The following TTC23L variants were observed in gnomAD, a reference collection of about 807,000 sequenced individuals.
TTC23L encodes tetratricopeptide repeat domain 23 like.
Under a neutral mutation model 48.1 loss-of-function variants are expected in TTC23L, and 42 were observed. The observed-to-expected ratio is 0.87, with a 90% CI of 0.68 to 1.13. The LOEUF is 1.13. Ranked by LOEUF, TTC23L falls within the 50% of genes most tolerant of loss-of-function variation. The pLI is 0.00. For missense variants in TTC23L, 391 were observed against 421.0 expected, an observed-to-expected ratio of 0.93 and a Z score of 0.62; for synonymous variants, 159 against 157.2, an observed-to-expected ratio of 1.01 and a Z score of -0.09.
chr5:34,865,009 C>A (rs1760951483), intron 6 of TTC23L, among the ~76,000 whole-genome samples: 1 of 152,200 alleles, frequency 6.6e-6, no homozygotes, highest in South Asian at 2.1e-4. Flanking sequence ...TAACTGGAAG[C>A]TGTGAAAGCC....
At chr5:34,910,077 A>C in the TTC23L span, among the ~76,000 whole-genome samples, 6 of 151,944 alleles carry the variant, frequency 3.9e-5, no homozygotes, top group African/African-American at 1.5e-4. Context: ...CCCAAATCTA[A>C]ATTTCCAGTC....
intron 8 of TTC23L, among the ~76,000 whole-genome samples, chr5:34,878,904 G>T (rs928204833): frequency 1.3e-5 from 2 of 152,296 alleles, no homozygotes; most frequent in East Asian, 3.9e-4. Context: ...TATGTTTATC[G>T]TAGCACTATT....
the TTC23L span, among the ~76,000 whole-genome samples, chr5:34,913,030 T>C: frequency 6.6e-6 from 1 of 152,064 alleles, no homozygotes; most frequent in African/African-American, 2.4e-5. Flanking sequence ...TTTGGCAAAA[T>C]AGACATAACT....
intron 3 of TTC23L, among the ~76,000 whole-genome samples, chr5:34,846,600 T>TATATATATATATATATATATAC (rs61009546): frequency 2.0e-4 from 19 of 92,890 alleles, no homozygotes; most frequent in African/African-American, 2.6e-4. Context: ...TATATATATA[T>TATATATATATATATATATATAC]ACACACACAT....
At chr5:34,914,856 C>T in the TTC23L span, 97 of 1,614,032 alleles carry the variant, frequency 6.0e-5, 1 homozygote, top group Non-Finnish European at 7.8e-5. Context: ...CTGTACTGAT[C>T]ATCCTCGTCT....
chr5:34,899,728 A>C (rs1340292468), downstream of TTC23L, among the ~76,000 whole-genome samples: 1 of 152,100 alleles, frequency 6.6e-6, no homozygotes, highest in Non-Finnish European at 1.5e-5. Flanking sequence ...ATCTCTACTA[A>C]AAATACAAAA....
At chr5:34,847,744 A>T (rs771173923) in intron 3 of TTC23L, among the ~76,000 whole-genome samples, 2 of 152,072 alleles carry the variant, frequency 1.3e-5, no homozygotes, top group Non-Finnish European at 2.9e-5. Context: ...CCCATGGTGA[A>T]CTCTAAAAAA....
the TTC23L span, chr5:34,908,035 C>G: frequency 6.6e-6 from 1 of 152,180 alleles, no homozygotes; most frequent in African/African-American, 2.4e-5. Context: ...GGGCACAACA[C>G]TTTGAGAACC....
chr5:34,900,575 CTG>C (rs1361212488), downstream of TTC23L, among the ~76,000 whole-genome samples: 6 of 152,076 alleles, frequency 3.9e-5, no homozygotes, highest in Admixed American at 2.6e-4. Context: ...TTTACATTGT[CTG>C]TTTACAGAAA....
chr5:34,889,589 G>T (rs533169431), intron 9 of TTC23L, among the ~76,000 whole-genome samples: 23 of 152,130 alleles, frequency 1.5e-4, no homozygotes, highest in Non-Finnish European at 3.1e-4. Context: ...ATTACCCAGA[G>T]GAGGATGTTC....
At chr5:34,846,667 A>G (rs1001962076) in intron 3 of TTC23L, among the ~76,000 whole-genome samples, 8,663 of 66,014 alleles carry the variant, frequency 0.13, 345 homozygotes, top group Non-Finnish European at 0.18. Context: ...ATATGTGTGT[A>G]TGTGTGTGTG....
downstream of TTC23L, among the ~76,000 whole-genome samples, chr5:34,901,364 C>A (rs1763506621): frequency 6.6e-6 from 1 of 152,126 alleles, no homozygotes; most frequent in African/African-American, 2.4e-5. Context: ...ACCAAAACTG[C>A]CTTGGGAGGA....
chr5:34,918,577 G>A, the TTC23L span: 12 of 628,154 alleles, frequency 1.9e-5, 1 homozygote, highest in Middle Eastern at 8.7e-4. Flanking sequence ...GTGTTCTCAC[G>A]AAAAAAACAC....
exon 7 of TTC23L, chr5:34,866,995 A>G (rs989183069): frequency 6.2e-7 from 1 of 1,611,774 alleles, no homozygotes; most frequent in Non-Finnish European, 8.5e-7. Flanking sequence ...AGATCTGATC[A>G]GCCTGTACGA....
At chr5:34,848,011 C>T (rs993884135) in intron 3 of TTC23L, among the ~76,000 whole-genome samples, 2 of 152,280 alleles carry the variant, frequency 1.3e-5, no homozygotes, top group Admixed American at 6.5e-5. Flanking sequence ...AACACTGAAT[C>T]ATTTGGACAC....
At chr5:34,908,726 A>G in the TTC23L span, 2 of 1,503,658 alleles carry the variant, frequency 1.3e-6, no homozygotes, top group East Asian at 2.3e-5. Flanking sequence ...AACTTCATCT[A>G]TCATAAATGT....
the TTC23L span, chr5:34,925,087 T>A: frequency 6.8e-7 from 1 of 1,469,758 alleles, no homozygotes; most frequent in Non-Finnish European, 9.1e-7. Context: ...TGGTTTTTGC[T>A]GCATAGAAAC....
At chr5:34,907,391 G>A in the TTC23L span, 19 of 152,262 alleles carry the variant, frequency 1.2e-4, 1 homozygote, top group East Asian at 3.5e-3. Context: ...CTAAAGAACT[G>A]TCTCACTCAA....
At chr5:34,900,911 G>A (rs913966985), downstream of TTC23L, among the ~76,000 whole-genome samples, 5 of 152,198 alleles carry the variant, frequency 3.3e-5, no homozygotes, top group African/African-American at 7.2e-5. Flanking sequence ...GCGCACTGCC[G>A]CAGCAGTAGG....
Sources: gnomAD v4.1 joint callset for allele counts (sites outside exome capture counted in the v4.1 genomes callset) on GRCh38, gnomAD v4.1.1 for gene constraint, MANE v1.5 for transcripts, NCBI Gene and HGNC (gene_info 2026-07-23, HGNC 2026-07-21) for gene names.